The following TAB1 variants were observed in gnomAD, a reference collection of about 807,000 sequenced individuals.
The protein encoded by TAB1 is TGF-beta activated kinase 1 (MAP3K7) binding protein 1.
A neutral mutation model predicts 54.5 loss-of-function variants in TAB1; 30 were observed. That is an observed-to-expected ratio of 0.55 (90% CI 0.41 to 0.75). TAB1 has a LOEUF of 0.75. Among genes scored for constraint, TAB1 ranks in the 30% least tolerant of loss-of-function variants. The pLI, the probability that TAB1 is intolerant of heterozygous loss-of-function variation, is 0.00. For synonymous variants in TAB1, 289 were observed against 286.9 expected (o/e 1.01, Z -0.07); for missense variants, 609 against 683.2 (o/e 0.89, Z 1.21).
downstream of TAB1, among the ~76,000 whole-genome samples, chr22:39,436,265 C>G (rs1257748787): frequency 6.6e-6 from 1 of 151,998 alleles, no homozygotes. Flanking sequence ...TATACTCCAG[C>G]CTGGGCAACA....
intron 1 of TAB1, among the ~76,000 whole-genome samples, chr22:39,401,614 A>G (rs1270495443): frequency 6.6e-6 from 1 of 152,228 alleles, no homozygotes; most frequent in Non-Finnish European, 1.5e-5. Flanking sequence ...TGATGGAACC[A>G]AAGGGAATTG....
Position 39,431,479 on chromosome 22 carries a change from C to A in TAB1, c.*1257C>A, listed in dbSNP as rs772177748. 2.0e-6 allele frequency: 2 copies of A among 985,858 alleles called. No individual in the cohort carries two copies. Among genetic ancestry groups the A allele is most frequent in the Non-Finnish European group, 2.4e-6 (2 of 830,208 alleles). 61.1% of individuals were successfully genotyped at this position (985,858 alleles called of 1,614,324 possible). ...TCCCCATCTCCCAGTCTCCCTGCCCCCCATGCCCCAGACCGGCCCACCAGG... is the reference window on the plus strand; with the variant it reads ...TCCCCATCTCCCAGTCTCCCTGCCCACCATGCCCCAGACCGGCCCACCAGG... On this transcript the variant is annotated 3_prime_UTR_variant, in exon 11 of 11. Transcript: ENST00000216160.
chr22:39,425,236 A>T (rs1053721072), intron 8 of TAB1, among the ~76,000 whole-genome samples: 1 of 150,710 alleles, frequency 6.6e-6, no homozygotes, highest in African/African-American at 2.5e-5. Context: ...AAAAAAAATT[A>T]TCTGGTGCAT....
chr22:39,433,079 C>T, downstream of TAB1: 1 of 985,410 alleles, frequency 1.0e-6, no homozygotes, highest in Non-Finnish European at 1.2e-6. Context: ...CCCATAGCCT[C>T]CGTGGGGAAA....
intron 1 of TAB1, among the ~76,000 whole-genome samples, chr22:39,407,787 A>G (rs1926432975): frequency 6.6e-6 from 1 of 151,878 alleles, no homozygotes; most frequent in Non-Finnish European, 1.5e-5. Context: ...GCCCAGCCTA[A>G]TTTTTTGTAT....
At position 39,430,192 on chromosome 22, in the gene TAB1, T is replaced by C; in HGVS notation, c.1485T>C (p.His495=). 6.2e-7 allele frequency: 1 copy of C among 1,613,476 alleles called. No individual in the cohort carries two copies. The highest frequency in any genetic ancestry group is 8.5e-7 in the Non-Finnish European group (1 of 1,180,034). ...AEFYRLWSVD[H]GEQSVVTAP ...TTTACCGCCTCTGGAGCGTGGACCA[T>C]GGCGAGCAGAGCGTGGTGACAGCAC... is the stretch of plus-strand genomic sequence containing the variant. The change falls in exon 11 of 11, where the codon CAT becomes CAC. Residue 495 remains histidine (H), a synonymous_variant. Transcript: ENST00000216160.
chr22:39,416,836 G>A lies in TAB1; in HGVS notation c.370G>A (p.Ala124Thr), dbSNP rs373883129. ...ERSFLESIDD[A>T]LAEKASLQSQ... Reference sequence around the variant, plus strand: ...GAGCTTCCTGGAGTCCATTGACGACGCCTTGGCTGAGAAGGCAAGCCTCCA... The same window carrying A: ...GAGCTTCCTGGAGTCCATTGACGACACCTTGGCTGAGAAGGCAAGCCTCCA... Residue 124 changes from alanine (A) to threonine (T), a missense_variant, in exon 4 of 11, where the codon GCC (alanine) becomes ACC (threonine). By Grantham distance (58) the Ala-to-Thr change is moderately conservative. Transcript: ENST00000216160. 54 of 1,614,092 alleles carry A rather than the reference G, an allele frequency of 3.3e-5. No individual in the cohort carries two copies. The highest frequency in any genetic ancestry group is 3.9e-5 in the Non-Finnish European group (46 of 1,180,056).
At chr22:39,419,788 A>G (rs1926991424) in intron 7 of TAB1, among the ~76,000 whole-genome samples, 158 bp downstream of exon 7, 2 of 147,228 alleles carry the variant, frequency 1.4e-5, no homozygotes, top group South Asian at 4.3e-4. Context: ...CCCTGTCTCA[A>G]AAAAAAAAAA....
At chr22:39,429,409 G>A (rs536268308) in intron 10 of TAB1, 119 of 973,702 alleles carry the variant, frequency 1.2e-4, no homozygotes, top group Admixed American at 1.8e-4. Flanking sequence ...GAGTGCTCGC[G>A]TGGGTGCTGT....
downstream of TAB1, chr22:39,436,550 G>A: frequency 3.7e-6 from 6 of 1,613,996 alleles, no homozygotes; most frequent in Non-Finnish European, 5.1e-6. Flanking sequence ...TAAACCTCCT[G>A]GGCAGCCTGA....
At chr22:39,429,430 C>T (rs1366402633) in intron 10 of TAB1, 2 of 907,198 alleles carry the variant, frequency 2.2e-6, no homozygotes, top group African/African-American at 1.8e-5. Context: ...CCTGTCACGG[C>T]GTCTCTAGCC....
intron 7 of TAB1, among the ~76,000 whole-genome samples, chr22:39,420,558 AGT>A (rs754154223): frequency 1.3e-5 from 2 of 152,134 alleles, no homozygotes; most frequent in African/African-American, 2.4e-5. Context: ...TAGGCAACTG[AGT>A]GTCGAATATT....
intron 1 of TAB1, among the ~76,000 whole-genome samples, chr22:39,409,456 C>T (rs531045321): frequency 6.6e-6 from 1 of 152,324 alleles, no homozygotes; most frequent in East Asian, 1.9e-4. Context: ...CCTTGCACTG[C>T]CCTCCCCCCC....
chr22:39,412,130 C>T (rs1457629115), intron 1 of TAB1, among the ~76,000 whole-genome samples: 2 of 152,184 alleles, frequency 1.3e-5, no homozygotes, highest in Non-Finnish European at 1.5e-5. Flanking sequence ...ACCTCTGCCT[C>T]TCAGGTTCAG....
At chr22:39,423,598 C>T (rs1206066217) in intron 8 of TAB1, among the ~76,000 whole-genome samples, 5 of 152,084 alleles carry the variant, frequency 3.3e-5, no homozygotes, top group African/African-American at 1.2e-4. Context: ...GAGCAAGACT[C>T]TGTCTCAATC....
At chr22:39,433,292 A>G (rs1377599967), downstream of TAB1, 10 of 842,124 alleles carry the variant, frequency 1.2e-5, no homozygotes, top group Non-Finnish European at 2.9e-6. Context: ...TCTACTAAAA[A>G]TAAAAAAAGT....
Position 39,431,497 on chromosome 22 carries a change from C to T in TAB1, c.*1275C>T. 4.1e-6 allele frequency: 4 copies of T among 985,644 alleles called. No homozygotes were observed. The highest frequency in any genetic ancestry group is 4.8e-6 in the Non-Finnish European group (4 of 830,090). The allele number at this position is 985,644 out of a possible 1,614,324, so 61.1% of individuals were successfully genotyped here. On this transcript the variant is annotated 3_prime_UTR_variant, in exon 11 of 11. Coordinates refer to ENST00000216160, the MANE Select transcript of TAB1 (RefSeq NM_006116.3). ...CCTGCCCCCCATGCCCCAGACCGGC[C>T]CACCAGGGACTAGCCGCTGTCGCAC...
chr22:39,436,982 G>A, downstream of TAB1: 1 of 172,816 alleles, frequency 5.8e-6, no homozygotes, highest in Non-Finnish European at 1.2e-5. Context: ...CATCAGGTGT[G>A]GCCCGAGATG....
intron 10 of TAB1, among the ~76,000 whole-genome samples, chr22:39,429,645 A>G (rs558471574): frequency 5.9e-5 from 9 of 151,600 alleles, no homozygotes; most frequent in Admixed American, 1.3e-4. Flanking sequence ...GCCTGGGTAA[A>G]TTTTTTTTGT....
Sources: allele counts gnomAD v4.1 joint callset (sites outside exome capture counted in the v4.1 genomes callset), GRCh38; gene constraint gnomAD v4.1.1; transcripts MANE v1.5; gene names NCBI Gene and HGNC (gene_info 2026-07-23, HGNC 2026-07-21).